The following TUBGCP6 variants were observed in gnomAD, a reference collection of about 807,000 sequenced individuals.
TUBGCP6 encodes gamma-tubulin complex component 6.
A neutral mutation model predicts 175.8 loss-of-function variants in TUBGCP6; 161 were observed. The observed-to-expected ratio is 0.92, with a 90% CI of 0.81 to 1.04. The LOEUF is 1.04. Ranked by LOEUF, TUBGCP6 falls within the 50% of genes least tolerant of loss-of-function variation. The pLI, the probability that TUBGCP6 is intolerant of heterozygous loss-of-function variation, is 0.00. For missense variants in TUBGCP6, 2,572 were observed against 2,433.0 expected, an observed-to-expected ratio of 1.06 and a Z score of -1.20; for synonymous variants, 1,173 against 1,030.5, an observed-to-expected ratio of 1.14 and a Z score of -2.65.
At chr22:50,231,322 T>G (rs1236308470) in intron 3 of TUBGCP6, among the ~76,000 whole-genome samples, 1 of 150,782 alleles carries the variant, frequency 6.6e-6, no homozygotes, top group Non-Finnish European at 1.5e-5. Flanking sequence ...GGCGTGGTAG[T>G]CCATGCCTGT....
chr22:50,222,008 G>A lies in TUBGCP6; in HGVS notation c.2484+20C>T. 1.2e-6 allele frequency: 2 copies of A among 1,613,544 alleles called. No homozygotes were observed. ...TATGGGAAAACCATAGGGCACCCTG[G>A]GTTCCACTCTGCCGCTTACCTGGGG... On this transcript the variant is annotated intron_variant, in intron 15 of 24. Coordinates refer to ENST00000248846, the MANE Select transcript of TUBGCP6 (RefSeq NM_020461.4).
rs2064578368 is a variant in TUBGCP6 at position 50,224,573 on chromosome 22, G to C, written c.2003C>G (p.Ala668Gly). 2 of 1,613,904 alleles carry C rather than the reference G, an allele frequency of 1.2e-6. No homozygotes were observed. Among genetic ancestry groups the C allele is most frequent in the East Asian group, 2.2e-5 (1 of 44,902 alleles). The change falls in exon 11 of 25, where the codon GCA (alanine) becomes GGA (glycine). Residue 668 changes from alanine (A) to glycine (G), a missense_variant. Ala to Gly is a moderately conservative substitution (Grantham distance 60, BLOSUM62 0). Coordinates refer to ENST00000248846, the MANE Select transcript of TUBGCP6 (RefSeq NM_020461.4). ...GGCATGAGCGATTAATTCTTGTTTT[G>C]CAATTTCCATACGTAATTCCTGAGA... ...KEEKELRMEI[A>G]KQELIAHARE...
At chr22:50,228,529 CAG>C (rs2147192746) in intron 4 of TUBGCP6, among the ~76,000 whole-genome samples, 1 of 152,306 alleles carries the variant, frequency 6.6e-6, no homozygotes. Flanking sequence ...CACACTAAGA[CAG>C]GGGCACCCTG....
At chr22:50,223,453 A>T (rs929179403) in intron 13 of TUBGCP6, 4 of 152,984 alleles carry the variant, frequency 2.6e-5, no homozygotes, top group African/African-American at 9.6e-5. Flanking sequence ...ATAACAGCAC[A>T]GGGAGACAGA....
At position 50,234,091 on chromosome 22, in the gene TUBGCP6, C is replaced by T. The variant is rs559096899; in HGVS notation, c.906-565G>A. 2.7e-5 allele frequency among the ~76,000 whole-genome samples: 4 copies of T among 149,344 alleles called. No individual in the cohort carries two copies. In the South Asian group the frequency reaches 8.6e-4, roughly 32 times the overall value. On this transcript the variant is annotated intron_variant, in intron 2 of 24. Coordinates refer to ENST00000248846, the MANE Select transcript of TUBGCP6 (RefSeq NM_020461.4). ...GTCCATGGCAGCATCATCCATACCCCATCCATGGCAGCATCCACACCCCCT... is the reference window on the plus strand; with the variant it reads ...GTCCATGGCAGCATCATCCATACCCTATCCATGGCAGCATCCACACCCCCT...
rs1285198796 is a variant in TUBGCP6 at position 50,221,403 on chromosome 22, C to T, written c.2956G>A (p.Glu986Lys). Residue 986 changes from glutamate (E) to lysine (K), a missense_variant, in exon 16 of 25, where the codon GAG (glutamate) becomes AAG (lysine). Transcript: ENST00000248846. ...GCATCCATCTTCCCACAACTGTCCT[C>T]CCACAGCTGTAGCCCTGAGCTGCCC... ...SLGSSGLQLW[E>K]DSCGKMDACG... 6.2e-7 allele frequency: 1 copy of T among 1,606,094 alleles called. No homozygotes were observed. Among genetic ancestry groups the T allele is most frequent in the Non-Finnish European group, 8.5e-7 (1 of 1,178,820 alleles).
intron 3 of TUBGCP6, among the ~76,000 whole-genome samples, chr22:50,232,998 G>A (rs1205248416): frequency 6.6e-6 from 1 of 152,276 alleles, no homozygotes; most frequent in Non-Finnish European, 1.5e-5. Context: ...CTCCCGAGCG[G>A]TGGGAAGGCT....
At chr22:50,237,043 C>G (rs1402056343) in intron 2 of TUBGCP6, among the ~76,000 whole-genome samples, 1 of 152,264 alleles carries the variant, frequency 6.6e-6, no homozygotes, top group Non-Finnish European at 1.5e-5. Context: ...CCAGAGAGAA[C>G]ACAACCCAAA....
In TUBGCP6 at chr22:50,221,268, CT is replaced by C; in HGVS notation, c.3090del (p.Gly1032ValfsTer12). The C allele has an allele frequency of 6.2e-7, 1 of 1,613,896 alleles. No homozygotes were observed. Among genetic ancestry groups the C allele is most frequent in the Non-Finnish European group, 8.5e-7 (1 of 1,179,908 alleles). ...QPTERLFGQVSGGGLPTGDYA... is the reference protein window; with the variant it reads ...QPTERLFGQVXGGGLPTGDYA... Reference sequence around the variant, plus strand: ...TAGTCCCCTGTGGGAAGACCACCCCCTGACACCTGCCCAAAGAGCCGCTCTG... The same window carrying C: ...TAGTCCCCTGTGGGAAGACCACCCCCGACACCTGCCCAAAGAGCCGCTCTG... On this transcript the variant is annotated frameshift_variant, in exon 16 of 25. Transcript: ENST00000248846. LOFTEE classifies it high-confidence loss of function.
At chr22:50,228,135 G>A (rs1206224100) in intron 4 of TUBGCP6, 107 bp from the exon 5 acceptor site, 4 of 1,317,128 alleles carry the variant, frequency 3.0e-6, no homozygotes, top group Non-Finnish European at 4.0e-6. Flanking sequence ...TCTTGCCTCA[G>A]CTCTGGGCTC....
At chr22:50,226,873 T>G (rs367660284) in intron 6 of TUBGCP6, 31 bp from the exon 7 acceptor site, 2 of 1,558,936 alleles carry the variant, frequency 1.3e-6, no homozygotes, top group Non-Finnish European at 1.7e-6. Flanking sequence ...GGGGGGCAGC[T>G]CAGCGCACCC....
rs372567052 is a variant in TUBGCP6, at chr22:50,219,735, C to T, written c.4224G>A (p.Ala1408=). Residue 1408 remains alanine (A), a synonymous_variant, in exon 18 of 25, where the codon GCG becomes GCA. Coordinates refer to ENST00000248846, the MANE Select transcript of TUBGCP6 (RefSeq NM_020461.4). ...CCTGCTCCCCACCCTGAGCCTCCGC[C>T]GCCGATGCCTCCGCCTCCTCACCAC... The part of the protein sequence containing the change: ...PGRGEEAEAS[A]AEAQGGEQAY... 1.5e-4 allele frequency: 238 copies of T among 1,613,674 alleles called. No homozygotes were observed. The highest frequency in any genetic ancestry group is 1.8e-4 in the Non-Finnish European group (207 of 1,179,998).
At chr22:50,219,559 C>A (rs1170482367) in intron 18 of TUBGCP6, 85 bp downstream of exon 18, 1 of 1,588,978 alleles carries the variant, frequency 6.3e-7, no homozygotes, top group African/African-American at 1.3e-5. Context: ...TAGCCCAGGG[C>A]TCCGCCCCAA....
chr22:50,225,600 A>C (rs2064594267), intron 10 of TUBGCP6, among the ~76,000 whole-genome samples, 194 bp downstream of exon 10: 1 of 65,894 alleles, frequency 1.5e-5, no homozygotes, highest in African/African-American at 8.3e-5. Flanking sequence ...CCCACCCTTC[A>C]TCTCAACTCC....
At chr22:50,227,738 C>T (rs888728341) in intron 5 of TUBGCP6, among the ~76,000 whole-genome samples, 169 bp downstream of exon 5, 6 of 152,336 alleles carry the variant, frequency 3.9e-5, no homozygotes, top group Admixed American at 1.3e-4. Context: ...CACACCCGCT[C>T]AGCACCGGGC....
intron 2 of TUBGCP6, among the ~76,000 whole-genome samples, chr22:50,237,321 C>T (rs2064789271): frequency 6.6e-6 from 1 of 152,248 alleles, no homozygotes; most frequent in African/African-American, 2.4e-5. Context: ...TTTCTTTAGC[C>T]ACCTGCTGGT....
chr22:50,229,106 A>G (rs941081989), intron 4 of TUBGCP6, among the ~76,000 whole-genome samples: 1 of 152,124 alleles, frequency 6.6e-6, no homozygotes, highest in African/African-American at 2.4e-5. Context: ...GCAGGCAGCA[A>G]GAGCCCCACT....
intron 13 of TUBGCP6, 59 bp from the exon 14 acceptor site, chr22:50,222,651 G>A (rs1048755447): frequency 3.8e-6 from 6 of 1,592,806 alleles, no homozygotes; most frequent in Non-Finnish European, 4.3e-6. Context: ...CATCTACCTG[G>A]CACCCCTCAG....
chr22:50,242,640 A>C (rs775947575), intron 1 of TUBGCP6, among the ~76,000 whole-genome samples: 28 of 152,256 alleles, frequency 1.8e-4, no homozygotes, highest in Non-Finnish European at 3.5e-4. Flanking sequence ...TAAAATACAA[A>C]ACTCAAATGA....
Sources: gnomAD v4.1 joint callset for allele counts (sites outside exome capture counted in the v4.1 genomes callset) on GRCh38, gnomAD v4.1.1 for gene constraint, MANE v1.5 for transcripts, NCBI Gene and HGNC (gene_info 2026-07-23, HGNC 2026-07-21) for gene names.